AFF1: variants seen among roughly 807,000 people sequenced by gnomAD.
The protein encoded by AFF1 is AF4/FMR2 family member 1.
A neutral mutation model predicts 121.7 loss-of-function variants in AFF1; 48 were observed. The ratio of observed to expected loss-of-function variants is 0.39; its 90% confidence interval spans 0.31 to 0.50. AFF1 has a LOEUF of 0.50. AFF1 is among the 20% of genes least tolerant of loss of function. AFF1 has a pLI of 0.76. For synonymous variants in AFF1, 613 were observed against 563.0 expected (o/e 1.09, Z -1.26); for missense variants, 1,523 against 1,511.7 (o/e 1.01, Z -0.12).
intron 2 of AFF1, among the ~76,000 whole-genome samples, chr4:87,005,065 T>G (rs555517522): frequency 6.6e-6 from 1 of 152,340 alleles, no homozygotes; most frequent in Non-Finnish European, 1.5e-5. Flanking sequence ...TGGGGTGCAG[T>G]GGCACAATCT....
chr4:86,997,552 G>A (rs1725311414), intron 2 of AFF1, among the ~76,000 whole-genome samples: 1 of 144,926 alleles, frequency 6.9e-6, no homozygotes, highest in African/African-American at 2.6e-5. Context: ...CACAAGGTCA[G>A]GAGATCGAGA....
At chr4:86,988,356 T>C (rs1442072656) in intron 2 of AFF1, among the ~76,000 whole-genome samples, 1 of 151,882 alleles carries the variant, frequency 6.6e-6, no homozygotes, top group Non-Finnish European at 1.5e-5. Context: ...GACCATCATA[T>C]GGTTCTCTAC....
chr4:87,094,891 C>T (rs1179287397), intron 7 of AFF1, 24 bp from the exon 8 acceptor site: 1 of 1,610,338 alleles, frequency 6.2e-7, no homozygotes, highest in African/African-American at 1.3e-5. Flanking sequence ...CATTGTGCTG[C>T]TTTGATGTTT....
chr4:87,050,735 T>C (rs1731181267), intron 4 of AFF1, among the ~76,000 whole-genome samples: 1 of 152,322 alleles, frequency 6.6e-6, no homozygotes, highest in African/African-American at 2.4e-5. Flanking sequence ...AACTGGAAGA[T>C]GTCTAGCAGT....
chr4:87,084,871 T>C (rs184828005), intron 5 of AFF1, among the ~76,000 whole-genome samples: 1 of 152,348 alleles, frequency 6.6e-6, no homozygotes. Flanking sequence ...CCTGTATTGA[T>C]GTGTGGGAGG....
At chr4:86,938,665 ACT>A (rs1477128522) in intron 1 of AFF1, among the ~76,000 whole-genome samples, 1 of 152,172 alleles carries the variant, frequency 6.6e-6, no homozygotes, top group East Asian at 1.9e-4. Context: ...GATTACATAA[ACT>A]CTGTAATCCA....
At chr4:86,944,419 T>A (rs910993546) in intron 1 of AFF1, among the ~76,000 whole-genome samples, 2 of 151,152 alleles carry the variant, frequency 1.3e-5, no homozygotes, top group African/African-American at 2.4e-5. Context: ...CATGCTGGAG[T>A]GCAGTGGCGC....
At chr4:87,046,374 C>A in intron 3 of AFF1, 88 bp downstream of exon 3, 2 of 1,471,818 alleles carry the variant, frequency 1.4e-6, no homozygotes, top group Non-Finnish European at 1.8e-6. Context: ...TGAGTTCGAA[C>A]AAGGGTCACA....
intron 2 of AFF1, among the ~76,000 whole-genome samples, chr4:86,967,180 C>G (rs1560506748): frequency 1.3e-5 from 2 of 152,066 alleles, no homozygotes; most frequent in Non-Finnish European, 2.9e-5. Flanking sequence ...GAGGACTAAT[C>G]AGAGAAGACT....
chr4:87,132,438 CA>C, intron 19 of AFF1, 30 bp downstream of exon 19: 1 of 1,566,088 alleles, frequency 6.4e-7, no homozygotes, highest in Non-Finnish European at 8.6e-7. Context: ...AAATAATTTC[CA>C]GAATTGAGTC....
At chr4:87,037,393 C>T (rs1319790519) in intron 2 of AFF1, among the ~76,000 whole-genome samples, 1 of 152,062 alleles carries the variant, frequency 6.6e-6, no homozygotes, top group Non-Finnish European at 1.5e-5. Context: ...CTCACTGCAA[C>T]CTCCACCTCC....
At chr4:87,042,692 T>C (rs559499584) in intron 2 of AFF1, among the ~76,000 whole-genome samples, 1 of 152,182 alleles carries the variant, frequency 6.6e-6, no homozygotes, top group Admixed American at 6.5e-5. Flanking sequence ...TTTAAAAAAA[T>C]TTTTTTGACA....
intron 2 of AFF1, among the ~76,000 whole-genome samples, chr4:87,012,222 T>TG (rs1175288265): frequency 7.8e-6 from 1 of 127,856 alleles, no homozygotes; most frequent in African/African-American, 3.0e-5. Flanking sequence ...CATTTCTTGT[T>TG]TTTTTTTTTT....
chr4:87,131,303 G>GA, intron 17 of AFF1, 84 bp downstream of exon 17: 1 of 1,529,524 alleles, frequency 6.5e-7, no homozygotes, highest in Non-Finnish European at 8.9e-7. Flanking sequence ...ACCTTAGTGT[G>GA]AAGATGGCTC....
chr4:87,134,448 A>T, intron 19 of AFF1, 23 bp from the exon 20 acceptor site: 1 of 1,559,750 alleles, frequency 6.4e-7, no homozygotes, highest in Non-Finnish European at 8.7e-7. Flanking sequence ...CTGATCAGTT[A>T]TCTCTTCTCT....
chr4:87,118,884 C>T (rs1034667615), intron 12 of AFF1, among the ~76,000 whole-genome samples: 4 of 152,132 alleles, frequency 2.6e-5, no homozygotes, highest in Admixed American at 6.5e-5. Flanking sequence ...GGGTGGGAGC[C>T]GGCTGAAGCA....
At chr4:87,012,951 G>T (rs2149540415) in intron 2 of AFF1, among the ~76,000 whole-genome samples, 1 of 149,794 alleles carries the variant, frequency 6.7e-6, no homozygotes, top group South Asian at 2.1e-4. Context: ...TGAAAGTCTT[G>T]TTCTCTGCTG....
intron 2 of AFF1, among the ~76,000 whole-genome samples, chr4:86,971,882 A>AT (rs936271683): frequency 2.0e-5 from 3 of 152,176 alleles, no homozygotes; most frequent in African/African-American, 7.2e-5. Context: ...TATGCCTATT[A>AT]TCCCAGCACT....
intron 2 of AFF1, among the ~76,000 whole-genome samples, chr4:86,956,044 A>C (rs1021627608): frequency 2.0e-5 from 3 of 152,236 alleles, no homozygotes; most frequent in African/African-American, 7.2e-5. Context: ...TAATGGCTGT[A>C]GGCCATGTTT....
Sources: allele counts gnomAD v4.1 joint callset (sites outside exome capture counted in the v4.1 genomes callset), GRCh38; gene constraint gnomAD v4.1.1; transcripts MANE v1.5; gene names NCBI Gene and HGNC (gene_info 2026-07-23, HGNC 2026-07-21).